The following CDC42BPA variants were observed in gnomAD, a reference collection of about 807,000 sequenced individuals.
CDC42BPA encodes serine/threonine-protein kinase MRCK alpha.
In CDC42BPA, 80 loss-of-function variants were observed where a neutral mutation model predicts 223.5. The ratio of observed to expected loss-of-function variants is 0.36; its 90% CI spans 0.30 to 0.43. The LOEUF (loss-of-function observed/expected upper bound fraction) is 0.43, where lower values mean the gene tolerates loss of function less well. Ranked by LOEUF, CDC42BPA falls within the 20% of genes least tolerant of loss-of-function variation. The pLI is 1.00. For missense variants in CDC42BPA, 1,743 were observed against 2,099.9 expected (o/e 0.83, Z 3.32); for synonymous variants, 694 against 718.6 (o/e 0.97, Z 0.55).
intron 5 of CDC42BPA, among the ~76,000 whole-genome samples, chr1:227,174,094 T>A (rs1047797451): frequency 1.1e-4 from 17 of 152,226 alleles, no homozygotes; most frequent in African/African-American, 3.9e-4. Flanking sequence ...ACTATATTTT[T>A]AACTATAGAT....
Position 227,028,641 on chromosome 1 carries a change from A to C in CDC42BPA, c.4432+16T>G, listed in dbSNP as rs750638955. 3.4e-6 allele frequency: 5 copies of C among 1,491,244 alleles called. No individual in the cohort carries two copies. In the East Asian group the frequency reaches 9.2e-5, roughly 27 times the overall value. 92.4% of individuals were successfully genotyped at this position (1,491,244 alleles called of 1,614,324 possible). A position where few individuals can be genotyped will look rare whatever the true frequency, so the allele number is the denominator to read the frequency against. ...GAGATATAAAGATAAGACAGCCGTA[A>C]GAAAGAGAATCTTACAACAAGAGGA... On this transcript the variant is annotated intron_variant, in intron 30 of 36. Transcript: ENST00000366766.
chr1:227,144,661 T>G (rs1660380093), intron 8 of CDC42BPA, among the ~76,000 whole-genome samples: 1 of 151,536 alleles, frequency 6.6e-6, no homozygotes, highest in Non-Finnish European at 1.5e-5. Flanking sequence ...TTTCCTAAAT[T>G]TTAATCTCAT....
At chr1:227,060,717 CTTTTTTTT>C (rs59728048) in intron 21 of CDC42BPA, among the ~76,000 whole-genome samples, 2 of 95,452 alleles carry the variant, frequency 2.1e-5, no homozygotes, top group Non-Finnish European at 3.9e-5. Context: ...TAAATAGGTA[CTTTTTTTT>C]TTTTTTTTTT....
chr1:227,275,892 G>A (rs528924228), intron 1 of CDC42BPA, among the ~76,000 whole-genome samples: 123 of 152,252 alleles, frequency 8.1e-4, no homozygotes, highest in East Asian at 1.5e-3. Context: ...ACGGAGTCTC[G>A]CTCACTCAGT....
At chr1:227,100,787 A>C (rs1684919056) in intron 15 of CDC42BPA, among the ~76,000 whole-genome samples, 1 of 79,340 alleles carries the variant, frequency 1.3e-5, no homozygotes, top group African/African-American at 4.1e-5. Context: ...TGCGTGTGCC[A>C]TCATACCCAG....
chr1:227,149,839 A>T (rs1661392757), intron 6 of CDC42BPA, among the ~76,000 whole-genome samples: 1 of 152,188 alleles, frequency 6.6e-6, no homozygotes, highest in Non-Finnish European at 1.5e-5. Flanking sequence ...TAAAAGAGAG[A>T]ATAGTGGAAA....
chr1:227,220,879 A>G (rs1345647526), intron 2 of CDC42BPA, among the ~76,000 whole-genome samples: 1 of 152,136 alleles, frequency 6.6e-6, no homozygotes, highest in East Asian at 1.9e-4. Flanking sequence ...AAAAATATGA[A>G]CAAAAACGTC....
intron 14 of CDC42BPA, among the ~76,000 whole-genome samples, chr1:227,101,640 T>C (rs983749189): frequency 6.6e-6 from 1 of 152,160 alleles, no homozygotes; most frequent in African/African-American, 2.4e-5. Flanking sequence ...GTTTTAAGGA[T>C]ATCTGTGTCT....
chr1:227,311,493 G>A (rs1693533838), intron 1 of CDC42BPA, among the ~76,000 whole-genome samples: 2 of 152,164 alleles, frequency 1.3e-5, no homozygotes, highest in Admixed American at 1.3e-4. Flanking sequence ...TTCAGCTGAA[G>A]TGATGAGAAG....
intron 14 of CDC42BPA, among the ~76,000 whole-genome samples, chr1:227,106,639 C>A (rs1685984147): frequency 6.6e-6 from 1 of 152,056 alleles, no homozygotes. Flanking sequence ...ATTCTTCTTT[C>A]AGTATTATTT....
intron 5 of CDC42BPA, among the ~76,000 whole-genome samples, chr1:227,174,070 T>C (rs1438031927): frequency 1.3e-5 from 2 of 152,276 alleles, no homozygotes; most frequent in East Asian, 3.9e-4. Flanking sequence ...TATACTCTAG[T>C]GTAACAGTTT....
intron 1 of CDC42BPA, among the ~76,000 whole-genome samples, chr1:227,313,526 G>T (rs1439955202): frequency 6.6e-6 from 1 of 152,082 alleles, no homozygotes; most frequent in Non-Finnish European, 1.5e-5. Flanking sequence ...TAGGTGGCTA[G>T]TATAAAGGAA....
rs1660979004 is a variant in CDC42BPA, at chr1:226,993,351, T to A, written c.*917A>T. On this transcript the variant is annotated 3_prime_UTR_variant, in exon 37 of 37. Transcript: ENST00000366766. Reference sequence around the variant, plus strand: ...GTGAGAAGTGTTCAAATTCCACCACTAGGAAAAGAAACATCTTGGGTAGAG... The same window carrying A: ...GTGAGAAGTGTTCAAATTCCACCACAAGGAAAAGAAACATCTTGGGTAGAG... 6.6e-6 allele frequency: 1 copy of A among 152,208 alleles called. No individual in the cohort carries two copies. The highest frequency in any genetic ancestry group is 1.5e-5 in the Non-Finnish European group (1 of 68,042). 9.4% of individuals were successfully genotyped at this position (152,208 alleles called of 1,614,324 possible). A position where few individuals can be genotyped will look rare whatever the true frequency, so the allele number is the denominator to read the frequency against.
intron 21 of CDC42BPA, among the ~76,000 whole-genome samples, chr1:227,065,045 T>C (rs546498176): frequency 4.6e-5 from 7 of 151,950 alleles, no homozygotes; most frequent in South Asian, 2.1e-4. Flanking sequence ...TGCAGTGAGC[T>C]GAGATCGCGC....
In CDC42BPA at chr1:227,295,094, A is replaced by C. The variant is rs371819622; in HGVS notation, c.178+21911T>G. On this transcript the variant is annotated intron_variant, in intron 1 of 36. Transcript: ENST00000366766. Reference sequence around the variant, plus strand: ...TAAAAAAATGTTGAGGCTACATTTAAGTTAAAGAACGTTTTAGTATTACAT... The same window carrying C: ...TAAAAAAATGTTGAGGCTACATTTACGTTAAAGAACGTTTTAGTATTACAT... 5.9e-5 allele frequency among the ~76,000 whole-genome samples: 9 copies of C among 152,264 alleles called. No individual in the cohort carries two copies. The South Asian group carries it at 1.9e-3, about 32-fold the overall frequency.
At chr1:227,244,495 G>GA (rs1553414389) in intron 2 of CDC42BPA, among the ~76,000 whole-genome samples, 1 of 37,418 alleles carries the variant, frequency 2.7e-5, no homozygotes, top group Non-Finnish European at 7.0e-5. Context: ...TTCACATGGT[G>GA]GGGGGGGGCA....
chr1:227,151,017 T>A (rs573501038), intron 6 of CDC42BPA, among the ~76,000 whole-genome samples: 1 of 152,244 alleles, frequency 6.6e-6, no homozygotes, highest in African/African-American at 2.4e-5. Flanking sequence ...ACATAAAATT[T>A]ACTATCTTAA....
intron 2 of CDC42BPA, among the ~76,000 whole-genome samples, chr1:227,253,607 A>AATAAATACATAC (rs368046447): frequency 0.015 from 1,737 of 116,478 alleles, 14 homozygotes; most frequent in Middle Eastern, 0.02. Context: ...AAAATAAATA[A>AATAAATACATAC]ATACATACAT....
intron 1 of CDC42BPA, among the ~76,000 whole-genome samples, chr1:227,262,949 T>G (rs1247494022): frequency 6.6e-6 from 1 of 152,176 alleles, no homozygotes; most frequent in African/African-American, 2.4e-5. Context: ...GAAATCATTT[T>G]TGGCTGGGTG....
Sources: allele counts gnomAD v4.1 joint callset (sites outside exome capture counted in the v4.1 genomes callset), GRCh38; gene constraint gnomAD v4.1.1; transcripts MANE v1.5; gene names NCBI Gene and HGNC (gene_info 2026-07-23, HGNC 2026-07-21).